The following CNNM1 variants were observed in gnomAD, a reference collection of about 807,000 sequenced individuals.
The protein encoded by CNNM1 is cyclin and CBS domain divalent metal cation transport mediator 1, also known as metal transporter CNNM1.
In CNNM1, 44 loss-of-function variants were observed where a neutral mutation model predicts 78.8. The observed-to-expected ratio is 0.56, with a 90% CI of 0.44 to 0.72. The LOEUF is 0.72. CNNM1 is among the 30% of genes least tolerant of loss of function. CNNM1 has a pLI of 0.00. For missense variants in CNNM1, 1,101 were observed against 1,292.2 expected, an observed-to-expected ratio of 0.85 and a Z score of 2.27; for synonymous variants, 584 against 581.5, an observed-to-expected ratio of 1.00 and a Z score of -0.06.
At chr10:99,378,843 G>T (rs776667778) in intron 7 of CNNM1, among the ~76,000 whole-genome samples, 18 of 152,184 alleles carry the variant, frequency 1.2e-4, no homozygotes, top group Non-Finnish European at 2.2e-4. Flanking sequence ...CCTGAAGTCA[G>T]TGGGCTTTAG....
chr10:99,361,802 A>G (rs1172559888), intron 3 of CNNM1, among the ~76,000 whole-genome samples: 1 of 152,228 alleles, frequency 6.6e-6, no homozygotes, highest in Admixed American at 6.5e-5. Flanking sequence ...CTTTAGTAAC[A>G]TGGGATTTCA....
At chr10:99,336,971 C>T (rs753454687) in intron 1 of CNNM1, among the ~76,000 whole-genome samples, 4 of 152,106 alleles carry the variant, frequency 2.6e-5, no homozygotes, top group South Asian at 2.1e-4. Flanking sequence ...ACTAGAATGC[C>T]TGGGTTGATA....
At chr10:99,364,365 A>T (rs2031538705) in intron 4 of CNNM1, 52 bp from the exon 5 acceptor site, 1 of 1,371,794 alleles carries the variant, frequency 7.3e-7, no homozygotes, top group African/African-American at 1.4e-5. Flanking sequence ...CAATAGTAGA[A>T]CTGGAAGTGC....
chr10:99,341,008 C>T (rs1476547843), intron 1 of CNNM1, among the ~76,000 whole-genome samples: 6 of 151,808 alleles, frequency 4.0e-5, no homozygotes, highest in East Asian at 1.9e-4. Flanking sequence ...GGCTTGCAGT[C>T]GAGTAGGCGA....
At chr10:99,342,159 T>C (rs533493965) in intron 1 of CNNM1, among the ~76,000 whole-genome samples, 1 of 152,368 alleles carries the variant, frequency 6.6e-6, no homozygotes, top group South Asian at 2.1e-4. Flanking sequence ...TGATATGTAG[T>C]ATACTTCAAT....
intron 6 of CNNM1, among the ~76,000 whole-genome samples, chr10:99,365,536 G>A (rs2031586669): frequency 6.6e-6 from 1 of 152,228 alleles, no homozygotes; most frequent in African/African-American, 2.4e-5. Context: ...CCAGCTGGCT[G>A]TGCATGCTGT....
chr10:99,333,554 A>C (rs1034002678), intron 1 of CNNM1, among the ~76,000 whole-genome samples: 2 of 152,264 alleles, frequency 1.3e-5, no homozygotes, highest in Non-Finnish European at 2.9e-5. Context: ...CATGTTGGCC[A>C]AGCTGGTCTC....
intron 6 of CNNM1, among the ~76,000 whole-genome samples, chr10:99,365,497 C>G (rs1430090984): frequency 2.6e-5 from 4 of 152,194 alleles, no homozygotes; most frequent in Non-Finnish European, 4.4e-5. Context: ...TCTTGGTTCT[C>G]CACCTCTCAG....
At chr10:99,357,028 C>A (rs2031244512) in intron 1 of CNNM1, among the ~76,000 whole-genome samples, 1 of 151,982 alleles carries the variant, frequency 6.6e-6, no homozygotes, top group Non-Finnish European at 1.5e-5. Context: ...ACCACAAAGG[C>A]CATGTTTTAA....
chr10:99,370,445 G>C (rs1177276815), intron 6 of CNNM1, among the ~76,000 whole-genome samples: 3 of 152,102 alleles, frequency 2.0e-5, no homozygotes. Flanking sequence ...CTTGTGTCTG[G>C]TCTCTATCTA....
chr10:99,383,252 A>T (rs1564960200), intron 7 of CNNM1, among the ~76,000 whole-genome samples: 1 of 151,442 alleles, frequency 6.6e-6, no homozygotes, highest in East Asian at 1.9e-4. Context: ...ATTATGTGGA[A>T]TTTTTTTTTG....
In CNNM1 at chr10:99,362,462, C is replaced by T. The variant is rs2031471949; in HGVS notation, c.2028+66C>T. The T allele has an allele frequency of 2.0e-6, 3 of 1,510,512 alleles. No individual in the cohort carries two copies. In the African/African-American group the frequency reaches 4.2e-5, roughly 21 times the overall value. 93.6% of individuals were successfully genotyped at this position (1,510,512 alleles called of 1,614,324 possible). On this transcript the variant is annotated intron_variant, in intron 4 of 10. Coordinates refer to ENST00000356713, the MANE Select transcript of CNNM1 (RefSeq NM_020348.3). ...GGCATCTCCAGGGTGAAGAAATGGC[C>T]ATGCCTCCGTCAGCACCAAGTTCCA...
At chr10:99,365,543 C>G (rs529504512) in intron 6 of CNNM1, among the ~76,000 whole-genome samples, 2 of 152,196 alleles carry the variant, frequency 1.3e-5, no homozygotes, top group Non-Finnish European at 2.9e-5. Context: ...GCTGTGCATG[C>G]TGTTGGTGGG....
At chr10:99,343,031 T>C (rs1176548490) in intron 1 of CNNM1, among the ~76,000 whole-genome samples, 2 of 152,066 alleles carry the variant, frequency 1.3e-5, no homozygotes, top group Non-Finnish European at 2.9e-5. Flanking sequence ...AGTGGCACAA[T>C]CTCGGCTCAC....
At chr10:99,353,045 T>C (rs2134035755) in intron 1 of CNNM1, among the ~76,000 whole-genome samples, 1 of 152,312 alleles carries the variant, frequency 6.6e-6, no homozygotes, top group South Asian at 2.1e-4. Context: ...CTTTTTTGCA[T>C]GTGGATATCC....
At chr10:99,348,595 G>T (rs1446722924) in intron 1 of CNNM1, among the ~76,000 whole-genome samples, 1 of 152,146 alleles carries the variant, frequency 6.6e-6, no homozygotes, top group Non-Finnish European at 1.5e-5. Flanking sequence ...TGACTCTTGG[G>T]TTATGACTTA....
intron 4 of CNNM1, 42 bp downstream of exon 4, chr10:99,362,438 G>A (rs775515634): frequency 4.4e-6 from 7 of 1,581,148 alleles, no homozygotes; most frequent in East Asian, 2.3e-5. Context: ...CCAGAGGAGG[G>A]CATCTCCAGG....
chr10:99,370,107 A>G (rs1257832225), intron 6 of CNNM1, among the ~76,000 whole-genome samples: 1 of 152,220 alleles, frequency 6.6e-6, no homozygotes. Context: ...TGATTATTAT[A>G]AAGTCCATGA....
intron 7 of CNNM1, among the ~76,000 whole-genome samples, chr10:99,379,956 G>T (rs2032087780): frequency 6.6e-6 from 1 of 151,436 alleles, no homozygotes; most frequent in South Asian, 2.1e-4. Flanking sequence ...TCACTACCTA[G>T]TTTGCAGATT....
Sources: allele counts gnomAD v4.1 joint callset (sites outside exome capture counted in the v4.1 genomes callset), GRCh38; gene constraint gnomAD v4.1.1; transcripts MANE v1.5; gene names NCBI Gene and HGNC (gene_info 2026-07-23, HGNC 2026-07-21).